The following DNAI7 variants were observed in gnomAD, a reference collection of about 807,000 sequenced individuals.
DNAI7 encodes cancer susceptibility 1.
In DNAI7, 78 loss-of-function variants were observed where a neutral mutation model predicts 86.6. The observed-to-expected ratio is 0.90, with a 90% CI of 0.75 to 1.09. The LOEUF is 1.09. Ranked by LOEUF, DNAI7 falls within the 50% of genes least tolerant of loss-of-function variation. DNAI7 has a pLI of 0.00. For missense variants in DNAI7, 753 were observed against 810.2 expected (o/e 0.93, Z 0.86); for synonymous variants, 274 against 273.0 (o/e 1.00, Z -0.04).
chr12:25,189,603 C>T (rs1032416394), intron 2 of DNAI7, among the ~76,000 whole-genome samples: 3 of 152,128 alleles, frequency 2.0e-5, no homozygotes, highest in Admixed American at 6.5e-5. Context: ...GACCATGCCA[C>T]TGCACTCCAG....
At chr12:25,181,799 T>C (rs1216391207) in intron 2 of DNAI7, among the ~76,000 whole-genome samples, 1 of 151,920 alleles carries the variant, frequency 6.6e-6, no homozygotes, top group Non-Finnish European at 1.5e-5. Context: ...ATCAGATAAA[T>C]TTCAATTAAA....
chr12:25,188,299 A>G (rs1374968050), intron 2 of DNAI7, among the ~76,000 whole-genome samples: 1 of 152,318 alleles, frequency 6.6e-6, no homozygotes, highest in African/African-American at 2.4e-5. Flanking sequence ...GTGTGTGTAC[A>G]TATGTGCGCC....
intron 2 of DNAI7, chr12:25,185,761 G>A: frequency 1.0e-6 from 1 of 984,214 alleles, no homozygotes; most frequent in Non-Finnish European, 1.2e-6. Context: ...TTTGGCCACT[G>A]AAGCCTGTTT....
At chr12:25,128,054 T>C (rs746087709) in intron 9 of DNAI7, among the ~76,000 whole-genome samples, 25 of 152,242 alleles carry the variant, frequency 1.6e-4, no homozygotes, top group Non-Finnish European at 3.4e-4. Context: ...ACAAAAACCA[T>C]GAAAGTATTG....
chr12:25,129,265 T>C (rs1007289851), intron 9 of DNAI7, among the ~76,000 whole-genome samples: 1 of 152,220 alleles, frequency 6.6e-6, no homozygotes, highest in Non-Finnish European at 1.5e-5. Flanking sequence ...GATTACTATA[T>C]GGTATTTTCT....
At chr12:25,152,404 AAACTC>A (rs796456244) in intron 6 of DNAI7, among the ~76,000 whole-genome samples, 116 of 152,362 alleles carry the variant, frequency 7.6e-4, no homozygotes, top group African/African-American at 2.7e-3. Flanking sequence ...TTTCCATAAA[AAACTC>A]AAACAACGAG....
chr12:25,113,254 C>T (rs1278979916), intron 13 of DNAI7, among the ~76,000 whole-genome samples: 2 of 150,696 alleles, frequency 1.3e-5, no homozygotes, highest in Non-Finnish European at 3.0e-5. Flanking sequence ...CTCCATCTCC[C>T]ATCTCACCTA....
At chr12:25,148,525 C>A (rs1343649844) in intron 7 of DNAI7, among the ~76,000 whole-genome samples, 1 of 152,078 alleles carries the variant, frequency 6.6e-6, no homozygotes, top group Non-Finnish European at 1.5e-5. Context: ...CACTGAGGAT[C>A]CTTATTTGAA....
intron 2 of DNAI7, among the ~76,000 whole-genome samples, chr12:25,176,770 C>T (rs910511567): frequency 5.3e-5 from 8 of 151,156 alleles, no homozygotes; most frequent in Non-Finnish European, 7.4e-5. Context: ...AGTTTTCTAA[C>T]GTATATATAT....
At chr12:25,132,886 G>A (rs199503256) in intron 9 of DNAI7, among the ~76,000 whole-genome samples, 1 of 140,556 alleles carries the variant, frequency 7.1e-6, no homozygotes, top group Admixed American at 6.9e-5. Context: ...CTTTATATTG[G>A]GGTATAACCC....
chr12:25,182,898 C>T (rs1025654176), intron 2 of DNAI7, among the ~76,000 whole-genome samples: 1 of 150,216 alleles, frequency 6.7e-6, no homozygotes, highest in Non-Finnish European at 1.5e-5. Flanking sequence ...CACTTCAGCC[C>T]AGGAAATGAA....
At chr12:25,194,783 C>G in intron 1 of DNAI7, 3 of 1,187,538 alleles carry the variant, frequency 2.5e-6, no homozygotes, top group South Asian at 1.4e-5. Context: ...CTGAAAGTTA[C>G]TAGGTTGGGA....
intron 9 of DNAI7, among the ~76,000 whole-genome samples, chr12:25,137,788 A>C (rs1056653652): frequency 5.3e-5 from 8 of 152,256 alleles, no homozygotes; most frequent in Admixed American, 2.6e-4. Flanking sequence ...TAGTTTAAAA[A>C]GACAAAGAGG....
chr12:25,181,038 C>A lies in DNAI7; in HGVS notation c.21+9576G>T, dbSNP rs1446499047. ...GGGCAGGCTGATCTCGAACTCCTGA[C>A]CTCAGATGATCCGCCTGCCTTGGCC... On this transcript the variant is annotated intron_variant, in intron 2 of 15. Coordinates refer to ENST00000395987, the MANE Select transcript of DNAI7 (RefSeq NM_018272.5). 2.0e-5 allele frequency among the ~76,000 whole-genome samples: 3 copies of A among 152,186 alleles called. No homozygotes were observed. The East Asian group carries it at 5.8e-4, about 29-fold the overall frequency.
chr12:25,117,669 T>C (rs191723269), intron 12 of DNAI7, among the ~76,000 whole-genome samples: 57 of 152,242 alleles, frequency 3.7e-4, no homozygotes, highest in Middle Eastern at 6.8e-3. Context: ...ATACTTATAA[T>C]TTTATTAATA....
chr12:25,122,068 G>A (rs1372316679), intron 10 of DNAI7, among the ~76,000 whole-genome samples, 155 bp from the exon 11 acceptor site: 1 of 152,170 alleles, frequency 6.6e-6, no homozygotes, highest in Non-Finnish European at 1.5e-5. Flanking sequence ...GATTCATAGA[G>A]CTGACCTTGG....
At chr12:25,185,137 C>A (rs553461408) in intron 2 of DNAI7, among the ~76,000 whole-genome samples, 1 of 152,110 alleles carries the variant, frequency 6.6e-6, no homozygotes, top group Admixed American at 6.5e-5. Flanking sequence ...GATCCTGTCT[C>A]TAAAATAAAA....
chr12:25,191,221 C>T (rs1038697413), intron 1 of DNAI7, among the ~76,000 whole-genome samples: 1 of 151,994 alleles, frequency 6.6e-6, no homozygotes, highest in African/African-American at 2.4e-5. Flanking sequence ...AAGATCAGCC[C>T]GGGCAACACA....
intron 6 of DNAI7, among the ~76,000 whole-genome samples, chr12:25,150,543 G>A (rs1221343010): frequency 1.4e-5 from 2 of 141,354 alleles, no homozygotes; most frequent in Non-Finnish European, 3.0e-5. Context: ...GGCGGAGCTT[G>A]CAGTGAGCCG....
Sources: allele counts gnomAD v4.1 joint callset (sites outside exome capture counted in the v4.1 genomes callset), GRCh38; gene constraint gnomAD v4.1.1; transcripts MANE v1.5; gene names NCBI Gene and HGNC (gene_info 2026-07-23, HGNC 2026-07-21).